MDGA2: variants seen among roughly 807,000 people sequenced by gnomAD.
MDGA2 encodes MAM domain-containing glycosylphosphatidylinositol anchor protein 2.
A neutral mutation model predicts 117.8 loss-of-function variants in MDGA2; 40 were observed. That is an observed-to-expected ratio of 0.34 (90% CI 0.26 to 0.44). The LOEUF (loss-of-function observed/expected upper bound fraction) is 0.44. Ranked by LOEUF, MDGA2 falls within the 20% of genes least tolerant of loss-of-function variation. MDGA2 has a pLI of 1.00. For synonymous variants in MDGA2, 452 were observed against 439.0 expected (o/e 1.03, Z -0.37); for missense variants, 1,123 against 1,250.6 (o/e 0.90, Z 1.54).
chr14:47,662,262 A>G (rs1048851720), intron 1 of MDGA2, among the ~76,000 whole-genome samples: 1 of 152,014 alleles, frequency 6.6e-6, no homozygotes, highest in Non-Finnish European at 1.5e-5. Flanking sequence ...TTGAATACAC[A>G]TACGCACTCT....
intron 1 of MDGA2, among the ~76,000 whole-genome samples, chr14:47,499,610 T>C (rs1001762134): frequency 6.6e-6 from 1 of 152,130 alleles, no homozygotes; most frequent in Non-Finnish European, 1.5e-5. Context: ...CCTACCACTA[T>C]CAGCTTATAT....
rs188614440 is a variant in MDGA2 at position 47,276,541 on chromosome 14, T to C, written c.420+24870A>G. Among the ~76,000 whole-genome samples, 338 of 152,290 alleles carry C rather than the reference T, an allele frequency of 2.2e-3. 2 individuals are homozygous for C. The highest frequency in any genetic ancestry group is 7.6e-3 in the African/African-American group (314 of 41,564). The stretch of plus-strand genomic sequence containing the variant: ...TATAAAAATGGGTCATTTTTATTTA[T>C]TCTAAGTAAAAAGAGATAATGGGTC... On this transcript the variant is annotated intron_variant, in intron 2 of 16. Coordinates refer to ENST00000399232, the MANE Select transcript of MDGA2 (RefSeq NM_001113498.3).
chr14:47,455,560 C>G (rs1893332198), intron 1 of MDGA2, among the ~76,000 whole-genome samples: 2 of 151,856 alleles, frequency 1.3e-5, no homozygotes. Context: ...AGAGATCAAC[C>G]TAAAAAGGCA....
At chr14:46,959,062 T>TA (rs761897254) in intron 8 of MDGA2, among the ~76,000 whole-genome samples, 19 of 152,278 alleles carry the variant, frequency 1.2e-4, no homozygotes, top group South Asian at 4.1e-4. Flanking sequence ...TAAACTCCTC[T>TA]AAAAAAAGTT....
intron 1 of MDGA2, among the ~76,000 whole-genome samples, chr14:47,449,604 T>C (rs114760960): frequency 9.5e-4 from 145 of 152,250 alleles, no homozygotes; most frequent in African/African-American, 3.2e-3. Flanking sequence ...ACATTAAAAC[T>C]ATAGCTAGAG....
At position 47,675,587 on chromosome 14, in the gene MDGA2, C is replaced by G. The variant is rs549140819; in HGVS notation, c.-791G>C. 2.5e-4 allele frequency among the ~76,000 whole-genome samples: 38 copies of G among 152,286 alleles called. No individual in the cohort carries two copies. The South Asian group carries it at 7.5e-3, about 30-fold the overall frequency. ...CGAAAGCAGAGTCCAGGCACCGCCA[C>G]TTGCAAGAGAGGGAGAATGCCAGGC... On this transcript the variant is annotated 5_prime_UTR_variant, in exon 1 of 17. Transcript: ENST00000399232.
chr14:46,865,218 G>T, intron 14 of MDGA2, among the ~76,000 whole-genome samples: 1 of 152,076 alleles, frequency 6.6e-6, no homozygotes, highest in East Asian at 1.9e-4. Flanking sequence ...TAAGTTCCTA[G>T]TTTAAAATCC....
chr14:47,655,670 A>G (rs549995462), intron 1 of MDGA2, among the ~76,000 whole-genome samples: 2 of 152,286 alleles, frequency 1.3e-5, no homozygotes, highest in South Asian at 4.1e-4. Context: ...CAAAAAAAGA[A>G]CAAATTAGCT....
At chr14:47,059,524 T>C in intron 7 of MDGA2, 2 of 357,484 alleles carry the variant, frequency 5.6e-6, no homozygotes, top group African/African-American at 2.1e-5. Flanking sequence ...TTGTCATATA[T>C]AACACATAGT....
intron 5 of MDGA2, among the ~76,000 whole-genome samples, chr14:47,106,786 T>C (rs1417143735): frequency 2.1e-5 from 3 of 145,080 alleles, no homozygotes; most frequent in Non-Finnish European, 4.6e-5. Context: ...CACATTACCC[T>C]CTTTTCAAGG....
intron 1 of MDGA2, among the ~76,000 whole-genome samples, chr14:47,344,875 G>C (rs571344701): frequency 1.5e-5 from 2 of 135,830 alleles, no homozygotes; most frequent in African/African-American, 5.1e-5. Flanking sequence ...GTGTGTATGA[G>C]AGTGTGTGTG....
intron 1 of MDGA2, among the ~76,000 whole-genome samples, chr14:47,419,776 C>A (rs7342559): frequency 6.6e-6 from 1 of 151,696 alleles, no homozygotes. Context: ...AATTGTGGAA[C>A]TGGTTTGATA....
chr14:47,580,271 C>A (rs1404577652), intron 1 of MDGA2, among the ~76,000 whole-genome samples: 1 of 151,964 alleles, frequency 6.6e-6, no homozygotes. Context: ...CTTGTGAGGG[C>A]CCACTCCTCA....
At chr14:47,044,091 C>A (rs1889172239) in intron 7 of MDGA2, among the ~76,000 whole-genome samples, 1 of 150,920 alleles carries the variant, frequency 6.6e-6, no homozygotes, top group Non-Finnish European at 1.5e-5. Flanking sequence ...TTTCAAGGTG[C>A]TTAATAAGTT....
chr14:46,930,181 G>C (rs1044642248), intron 9 of MDGA2, among the ~76,000 whole-genome samples: 2 of 151,874 alleles, frequency 1.3e-5, no homozygotes. Flanking sequence ...GTTGGCAAAA[G>C]TTTAATAAGT....
intron 1 of MDGA2, among the ~76,000 whole-genome samples, chr14:47,568,187 A>G (rs2138815145): frequency 6.6e-6 from 1 of 152,340 alleles, no homozygotes; most frequent in East Asian, 1.9e-4. Flanking sequence ...TATATAGACT[A>G]AAGTCATCAA....
intron 1 of MDGA2, among the ~76,000 whole-genome samples, chr14:47,545,757 C>T (rs979722059): frequency 6.6e-6 from 1 of 151,968 alleles, no homozygotes; most frequent in East Asian, 1.9e-4. Flanking sequence ...GAAAAAAAAA[C>T]AGCAGCAGTC....
rs200176603 is a variant in MDGA2 at position 47,603,776 on chromosome 14, G to A, written c.280+70741C>T. On this transcript the variant is annotated intron_variant, in intron 1 of 16. Coordinates refer to ENST00000399232, the MANE Select transcript of MDGA2 (RefSeq NM_001113498.3). ...AATCTCCAATTCTGGAGGCAGGGCCGGGTGAGGGGTGACTGGATCACAGGG... is the reference window on the plus strand; with the variant it reads ...AATCTCCAATTCTGGAGGCAGGGCCAGGTGAGGGGTGACTGGATCACAGGG... Among the ~76,000 whole-genome samples the A allele has an allele frequency of 1.4e-4, 21 of 152,262 alleles. No individual in the cohort carries two copies. In the East Asian group the frequency reaches 3.3e-3, roughly 24 times the overall value.
intron 1 of MDGA2, among the ~76,000 whole-genome samples, chr14:47,447,073 A>T (rs745770418): frequency 6.6e-6 from 1 of 152,098 alleles, no homozygotes; most frequent in African/African-American, 2.4e-5. Context: ...TTCTTCCTTA[A>T]CCTGTGGATG....
Sources: allele counts gnomAD v4.1 joint callset (sites outside exome capture counted in the v4.1 genomes callset), GRCh38; gene constraint gnomAD v4.1.1; transcripts MANE v1.5; gene names NCBI Gene and HGNC (gene_info 2026-07-23, HGNC 2026-07-21).